Variants in LMO3 observed in about 807,000 individuals in gnomAD.
LMO3 encodes the protein LIM domain only protein 3.
Under a neutral mutation model 15.8 loss-of-function variants are expected in LMO3, and 2 were observed. The observed-to-expected ratio is 0.13, with a 90% CI of 0.05 to 0.40. LMO3 has a LOEUF of 0.40. LMO3 is among the 10% of genes least tolerant of loss of function. LMO3 has a pLI of 0.99. For missense variants in LMO3, 86 were observed against 182.2 expected (o/e 0.47, Z 3.04); for synonymous variants, 62 against 63.8 (o/e 0.97, Z 0.13).
chr12:16,573,226 A>G (rs1942880679), intron 2 of LMO3, among the ~76,000 whole-genome samples: 1 of 152,144 alleles, frequency 6.6e-6, no homozygotes, highest in African/African-American at 2.4e-5. Context: ...TATAAATACT[A>G]TTTGGGGGTT....
chr12:16,554,958 G>A (rs779468456), intron 3 of LMO3, among the ~76,000 whole-genome samples: 16 of 152,274 alleles, frequency 1.1e-4, no homozygotes, highest in Admixed American at 3.3e-4. Context: ...CACCGCGCCC[G>A]GCCAGGTTTA....
chr12:16,554,977 G>C (rs966293510), intron 3 of LMO3, among the ~76,000 whole-genome samples: 3 of 152,134 alleles, frequency 2.0e-5, no homozygotes, highest in Admixed American at 6.6e-5. Flanking sequence ...TAAATCTTGA[G>C]TCTACCACTT....
chr12:16,574,409 A>G (rs748949986), intron 2 of LMO3, among the ~76,000 whole-genome samples: 1 of 152,114 alleles, frequency 6.6e-6, no homozygotes, highest in South Asian at 2.1e-4. Flanking sequence ...CCAGTCACGG[A>G]TTTGCTGCTC....
chr12:16,583,324 A>T (rs555299611), intron 2 of LMO3, among the ~76,000 whole-genome samples: 1 of 152,146 alleles, frequency 6.6e-6, no homozygotes, highest in Non-Finnish European at 1.5e-5. Context: ...TTTTAAAAAA[A>T]TTAGACAATA....
chr12:16,603,217 A>G lies in LMO3; in HGVS notation c.-8-2349T>C, dbSNP rs1943883786. ...AGGCCAATTAATATTTGAAACTCTT[A>G]CATTCTGTTTGGCCTTGGGCATAAA... is the stretch of plus-strand genomic sequence containing the variant. On this transcript the variant is annotated intron_variant, in intron 1 of 3. Coordinates refer to ENST00000537304, the MANE Select transcript of LMO3 (RefSeq NM_018640.5). The surrounding 1 kb of genome is among the most constrained non-coding windows in gnomAD (Gnocchi z 4.9). Among the ~76,000 whole-genome samples, 1 of 152,198 alleles carries G rather than the reference A, an allele frequency of 6.6e-6. No individual in the cohort carries two copies. The highest frequency in any genetic ancestry group is 1.5e-5 in the Non-Finnish European group (1 of 68,034).
At chr12:16,605,175 G>T in intron 1 of LMO3, 2 of 1,360,002 alleles carry the variant, frequency 1.5e-6, no homozygotes, top group Non-Finnish European at 1.9e-6. Flanking sequence ...CCCTAACTCT[G>T]CCCGTAATCC....
In LMO3 at chr12:16,584,211, T is replaced by C. The variant is rs534546684; in HGVS notation, c.206+16444A>G. Among the ~76,000 whole-genome samples, 4 of 152,170 alleles carry C rather than the reference T, an allele frequency of 2.6e-5. No individual in the cohort carries two copies. Among genetic ancestry groups the C allele is most frequent in the African/African-American group, 9.6e-5 (4 of 41,524 alleles). On this transcript the variant is annotated intron_variant, in intron 2 of 3. Coordinates refer to ENST00000537304, the MANE Select transcript of LMO3 (RefSeq NM_018640.5). This position sits in a 1 kb window ranked among gnomAD's most constrained non-coding sequence, Gnocchi z 5.2. ...TGTACGAGTTTTGTTGGAGGATGCA[T>C]TTTTTAGTAGTGAGTGGGGAGAGTT...
intron 2 of LMO3, among the ~76,000 whole-genome samples, chr12:16,590,957 G>T (rs1943478213): frequency 1.3e-5 from 2 of 151,932 alleles, no homozygotes; most frequent in Non-Finnish European, 2.9e-5. Flanking sequence ...AAAACTTCCA[G>T]TAAATAAATG....
intron 3 of LMO3, among the ~76,000 whole-genome samples, chr12:16,557,501 A>T (rs1002055643): frequency 3.3e-5 from 5 of 151,996 alleles, no homozygotes; most frequent in African/African-American, 1.2e-4. Flanking sequence ...TGTACAGCAT[A>T]TGCCTTCAAA....
chr12:16,588,320 A>G (rs1361648004), intron 2 of LMO3, among the ~76,000 whole-genome samples: 1 of 152,068 alleles, frequency 6.6e-6, no homozygotes, highest in African/African-American at 2.4e-5. Context: ...AATTGTTTAA[A>G]GAACACTGTG....
upstream of LMO3, chr12:16,607,539 C>G (rs988261876): frequency 1.1e-4 from 17 of 151,048 alleles, no homozygotes; most frequent in Admixed American, 9.9e-4. Context: ...TATTATTTTT[C>G]TAAGTTTTCA....
rs778474118 is a variant in LMO3, at chr12:16,555,762, T to A, written c.333-4435A>T. Among the ~76,000 whole-genome samples, 4 of 152,054 alleles carry A rather than the reference T, an allele frequency of 2.6e-5. No individual in the cohort carries two copies. Among genetic ancestry groups the A allele is most frequent in the Non-Finnish European group, 5.9e-5 (4 of 67,998 alleles). On this transcript the variant is annotated intron_variant, in intron 3 of 3. Transcript: ENST00000537304. This position sits in a 1 kb window ranked among gnomAD's most constrained non-coding sequence, Gnocchi z 5.5. ...CCTAAACACGTCAAATGCTTTCACA[T>A]CTGCATGCCTTTGCACGTTGCTCAA...
At position 16,551,344 on chromosome 12, in the gene LMO3, C is replaced by T; in HGVS notation, c.333-17G>A. ...ACACAAAATCTGAAAATATTTTAAA[C>T]AATAAAATGTGGTTAAGACCATTTC... On this transcript the variant is annotated splice_polypyrimidine_tract_variant and intron_variant, in intron 3 of 3. Coordinates refer to ENST00000537304, the MANE Select transcript of LMO3 (RefSeq NM_018640.5). The T allele has an allele frequency of 6.9e-7, 1 of 1,441,722 alleles. No homozygotes were observed. The highest frequency in any genetic ancestry group is 1.7e-4 in the Middle Eastern group (1 of 5,784). The allele number at this position is 1,441,722 out of a possible 1,614,324, so 89.3% of individuals were successfully genotyped here.
chr12:16,605,253 G>A, intron 1 of LMO3: 3 of 1,263,612 alleles, frequency 2.4e-6, no homozygotes, highest in Non-Finnish European at 2.0e-6. Flanking sequence ...CACATGCAGC[G>A]TTAGCATAGC....
chr12:16,594,282 T>G, intron 2 of LMO3: 1 of 1,520,622 alleles, frequency 6.6e-7, no homozygotes, highest in Non-Finnish European at 8.8e-7. Flanking sequence ...GGAAGTGCCA[T>G]GTGTCAGCAG....
At position 16,582,342 on chromosome 12, in the gene LMO3, A is replaced by G. The variant is rs1257187699; in HGVS notation, c.206+18313T>C. 1.3e-5 allele frequency among the ~76,000 whole-genome samples: 2 copies of G among 152,200 alleles called. No individual in the cohort carries two copies. Among genetic ancestry groups the G allele is most frequent in the Non-Finnish European group, 2.9e-5 (2 of 68,036 alleles). ...AAAACATCTTACCTGTTCCTATAGT[A>G]TTATTCATTTTAGACAGTGACAGAC... On this transcript the variant is annotated intron_variant, in intron 2 of 3. Transcript: ENST00000537304. This position sits in a 1 kb window ranked among gnomAD's most constrained non-coding sequence, Gnocchi z 4.1.
At chr12:16,558,242 T>C (rs1266883426) in intron 3 of LMO3, among the ~76,000 whole-genome samples, 2 of 152,096 alleles carry the variant, frequency 1.3e-5, no homozygotes, top group Non-Finnish European at 2.9e-5. Context: ...TGGCTATATA[T>C]CAAAATATTA....
intron 2 of LMO3, among the ~76,000 whole-genome samples, chr12:16,577,979 G>T (rs1161398512): frequency 1.3e-5 from 2 of 152,042 alleles, no homozygotes; most frequent in Non-Finnish European, 2.9e-5. Flanking sequence ...CCTGTATTTT[G>T]TCTGGCAACA....
At chr12:16,605,424 C>A in intron 1 of LMO3, 1 of 1,066,420 alleles carries the variant, frequency 9.4e-7, no homozygotes, top group Non-Finnish European at 1.1e-6. Context: ...CCACTTCTGC[C>A]CCTACCCGCC....
Sources: allele counts gnomAD v4.1 joint callset (sites outside exome capture counted in the v4.1 genomes callset), GRCh38; gene constraint gnomAD v4.1.1; non-coding constraint Gnocchi (gnomAD v3.1); transcripts MANE v1.5; gene names NCBI Gene and HGNC (gene_info 2026-07-23, HGNC 2026-07-21).